Variants in ROBO1 observed in about 807,000 individuals in gnomAD.
ROBO1 encodes the protein roundabout homolog 1.
A neutral mutation model predicts 195.9 loss-of-function variants in ROBO1; 149 were observed. The observed-to-expected ratio is 0.76, with a 90% confidence interval of 0.67 to 0.87. ROBO1 has a LOEUF of 0.87. Among genes scored for constraint, ROBO1 ranks in the 40% least tolerant of loss-of-function variants. The pLI, the probability that ROBO1 is intolerant of heterozygous loss-of-function variation, is 0.00. For synonymous variants in ROBO1, 816 were observed against 733.2 expected (o/e 1.11, Z -1.82); for missense variants, 1,933 against 2,068.3 (o/e 0.93, Z 1.27).
intron 2 of ROBO1, among the ~76,000 whole-genome samples, chr3:79,575,208 CAGATATAT>C (rs1943424490): frequency 1.9e-5 from 1 of 53,264 alleles, no homozygotes; most frequent in African/African-American, 1.0e-4. Flanking sequence ...ATATATATAA[CAGATATAT>C]ATATATAACA....
At chr3:79,345,182 A>G (rs2109241002) in intron 2 of ROBO1, among the ~76,000 whole-genome samples, 1 of 152,318 alleles carries the variant, frequency 6.6e-6, no homozygotes, top group East Asian at 1.9e-4. Flanking sequence ...AACTGGGTAC[A>G]TTTCAGTGTA....
At chr3:79,421,516 C>T (rs1004636900) in intron 2 of ROBO1, among the ~76,000 whole-genome samples, 4 of 152,234 alleles carry the variant, frequency 2.6e-5, no homozygotes, top group Non-Finnish European at 5.9e-5. Flanking sequence ...GGCACAGGAG[C>T]TGACAGCACC....
chr3:78,605,786 A>G (rs1209920680), intron 29 of ROBO1, among the ~76,000 whole-genome samples: 1 of 152,150 alleles, frequency 6.6e-6, no homozygotes, highest in Admixed American at 6.5e-5. Context: ...GGTTAATACA[A>G]TCATGTTTCA....
rs545537219 is a variant in ROBO1, at chr3:79,101,141, A to G, written c.172+24315T>C. Among the ~76,000 whole-genome samples the G allele has an allele frequency of 1.5e-4, 23 of 151,896 alleles. 1 individual carries two copies. The Middle Eastern group carries it at 0.017, about 112-fold the overall frequency. ...GATTGAAGAGCAGAAATCATTTTTA[A>G]AAAACACAGATATAGCTACTCTGGC... is the stretch of plus-strand genomic sequence containing the variant. On this transcript the variant is annotated intron_variant, in intron 3 of 30. Coordinates refer to ENST00000464233, the MANE Select transcript of ROBO1 (RefSeq NM_002941.4).
intron 4 of ROBO1, among the ~76,000 whole-genome samples, chr3:78,824,349 A>G (rs370493877): frequency 1.3e-5 from 2 of 152,180 alleles, no homozygotes; most frequent in African/African-American, 4.8e-5. Flanking sequence ...TCTACTCTCT[A>G]AAAACACATA....
intron 1 of ROBO1, among the ~76,000 whole-genome samples, chr3:79,674,901 A>G (rs1317533819): frequency 6.6e-6 from 1 of 151,586 alleles, no homozygotes; most frequent in Non-Finnish European, 1.5e-5. Context: ...ACTCAACCAA[A>G]GTAATTTTTA....
intron 2 of ROBO1, among the ~76,000 whole-genome samples, chr3:79,321,718 T>C (rs1445479081): frequency 1.3e-5 from 2 of 152,164 alleles, no homozygotes; most frequent in African/African-American, 2.4e-5. Context: ...TTTCTACAAG[T>C]AGGACTGATT....
intron 2 of ROBO1, among the ~76,000 whole-genome samples, chr3:79,314,833 G>T (rs1261451974): frequency 6.6e-6 from 1 of 152,122 alleles, no homozygotes; most frequent in African/African-American, 2.4e-5. Flanking sequence ...CAGTGTGGTA[G>T]GAAAGATATC....
intron 2 of ROBO1, among the ~76,000 whole-genome samples, chr3:79,279,334 A>G (rs2031320342): frequency 6.6e-6 from 1 of 152,160 alleles, no homozygotes; most frequent in Non-Finnish European, 1.5e-5. Flanking sequence ...AAATGATTTG[A>G]ATAAATATTT....
intron 2 of ROBO1, among the ~76,000 whole-genome samples, chr3:79,190,812 G>A (rs2108754861): frequency 6.6e-6 from 1 of 151,680 alleles, no homozygotes; most frequent in African/African-American, 2.4e-5. Context: ...TGCGGATTAT[G>A]TTCTTCAATA....
At chr3:79,210,099 G>A (rs2081943496) in intron 2 of ROBO1, among the ~76,000 whole-genome samples, 1 of 152,058 alleles carries the variant, frequency 6.6e-6, no homozygotes, top group Non-Finnish European at 1.5e-5. Context: ...TCATGGATGA[G>A]TAGAATCTAC....
intron 28 of ROBO1, among the ~76,000 whole-genome samples, chr3:78,614,097 C>T (rs1703968383): frequency 6.6e-6 from 1 of 152,092 alleles, no homozygotes. Context: ...TTGCATTTTC[C>T]TCCTGTGCTC....
intron 2 of ROBO1, among the ~76,000 whole-genome samples, chr3:79,328,781 C>CTT (rs1264962179): frequency 6.6e-6 from 1 of 151,952 alleles, no homozygotes; most frequent in African/African-American, 2.4e-5. Flanking sequence ...CCTCTCCCAC[C>CTT]TTTCCCCCGT....
chr3:79,068,604 A>T (rs1170969721), intron 3 of ROBO1, among the ~76,000 whole-genome samples: 1 of 151,844 alleles, frequency 6.6e-6, no homozygotes, highest in Non-Finnish European at 1.5e-5. Context: ...TTCCATAATC[A>T]TACCTAATCA....
At chr3:79,030,026 A>C (rs1198236170) in intron 3 of ROBO1, among the ~76,000 whole-genome samples, 2 of 152,240 alleles carry the variant, frequency 1.3e-5, no homozygotes, top group African/African-American at 4.8e-5. Flanking sequence ...TAAGTTTTGA[A>C]AAACACTTAG....
rs561903765 is a variant in ROBO1, at chr3:79,347,451, T to C, written c.89-221912A>G. ...CAGCATGCAACACAGTCTTAAATTA[T>C]CTTCTCAAAGCATTCTATCAAGTAA... On this transcript the variant is annotated intron_variant, in intron 2 of 30. Transcript: ENST00000464233. Among the ~76,000 whole-genome samples, 3 of 152,318 alleles carry C rather than the reference T, an allele frequency of 2.0e-5. No homozygotes were observed. In the South Asian group the frequency reaches 6.2e-4, roughly 32 times the overall value.
chr3:78,849,708 G>A (rs2033915316), intron 4 of ROBO1, among the ~76,000 whole-genome samples: 1 of 151,892 alleles, frequency 6.6e-6, no homozygotes, highest in South Asian at 2.1e-4. Flanking sequence ...GAGGTTCAAA[G>A]CATGTTCTCG....
chr3:79,465,608 T>C (rs1313084329), intron 2 of ROBO1, among the ~76,000 whole-genome samples: 1 of 152,218 alleles, frequency 6.6e-6, no homozygotes, highest in Non-Finnish European at 1.5e-5. Flanking sequence ...TATTTATCAG[T>C]AGATTTTGAG....
intron 2 of ROBO1, among the ~76,000 whole-genome samples, chr3:79,241,716 ATAAATATAAATAATTTATG>A (rs746428110): frequency 2.7e-5 from 4 of 149,834 alleles, no homozygotes; most frequent in Non-Finnish European, 5.9e-5. Flanking sequence ...CAATATTTAT[ATAAATATAAATAATTTATG>A]TAAATATAAA....
Sources: allele counts gnomAD v4.1 joint callset (sites outside exome capture counted in the v4.1 genomes callset), GRCh38; gene constraint gnomAD v4.1.1; transcripts MANE v1.5; gene names NCBI Gene and HGNC (gene_info 2026-07-23, HGNC 2026-07-21).